Variants in HMCN2 observed in about 807,000 individuals in gnomAD.
The protein encoded by HMCN2 is hemicentin-2.
In HMCN2, 325 loss-of-function variants were observed where a neutral mutation model predicts 377.5. The observed-to-expected ratio is 0.86, with a 90% CI of 0.79 to 0.94. HMCN2 has a LOEUF of 0.94. HMCN2 is among the 40% of genes least tolerant of loss of function. The pLI is 0.00. For synonymous variants in HMCN2, 2,007 were observed against 2,046.8 expected, an observed-to-expected ratio of 0.98 and a Z score of 0.53; for missense variants, 4,543 against 4,725.3, an observed-to-expected ratio of 0.96 and a Z score of 1.13.
At chr9:130,321,224 C>T (rs1837834939) in intron 18 of HMCN2, among the ~76,000 whole-genome samples, 1 of 152,130 alleles carries the variant, frequency 6.6e-6, no homozygotes, top group South Asian at 2.1e-4. Flanking sequence ...GCAGTGGTCT[C>T]CCCGGTTCTT....
At chr9:130,399,721 T>A in intron 76 of HMCN2, 89 bp downstream of exon 76, 2 of 1,025,554 alleles carry the variant, frequency 2.0e-6, no homozygotes, top group Non-Finnish European at 2.6e-6. Flanking sequence ...CAGGGAATTG[T>A]GTGGCTTTTT....
Position 130,354,935 on chromosome 9 carries a change from G to T in HMCN2, c.5037G>T (p.Gly1679=). Reference sequence around the variant, plus strand: ...ACGAGTCGCGGCTGGAGACAGACGGGAGTGTGCTGAGGCTGGAGAGCCCGG... The same window carrying T: ...ACGAGTCGCGGCTGGAGACAGACGGTAGTGTGCTGAGGCTGGAGAGCCCGG... ...ESNESRLETD[G]SVLRLESPGE... Residue 1679 remains glycine (G), a synonymous_variant, in exon 32 of 98, where the codon GGG becomes GGT. Transcript: ENST00000683500. 7.7e-7 allele frequency: 1 copy of T among 1,303,678 alleles called. No homozygotes were observed. Among genetic ancestry groups the T allele is most frequent in the Non-Finnish European group, 1.0e-6 (1 of 988,936 alleles). The allele number at this position is 1,303,678 out of a possible 1,614,324, so 80.8% of individuals were successfully genotyped here. A position where few individuals can be genotyped will look rare whatever the true frequency, so the allele number is the denominator to read the frequency against.
At chr9:130,400,737 G>T (rs1374405977) in intron 76 of HMCN2, 46 bp from the exon 77 acceptor site, 1 of 1,248,972 alleles carries the variant, frequency 8.0e-7, no homozygotes, top group Admixed American at 2.5e-5. Flanking sequence ...GGCCGTGAGT[G>T]CCCTGTGCCC....
intron 15 of HMCN2, among the ~76,000 whole-genome samples, chr9:130,316,387 C>T (rs1305228638): frequency 7.6e-6 from 1 of 132,432 alleles, no homozygotes; most frequent in Non-Finnish European, 1.6e-5. Context: ...CTGCCCTGGG[C>T]GTGGCTGAAG....
Position 130,267,476 on chromosome 9 carries a change from A to ACACG in HMCN2, c.259+1340_259+1341insACGC, listed in dbSNP as rs1265312371. 7.1e-3 allele frequency among the ~76,000 whole-genome samples: 1,064 copies of ACACG among 149,908 alleles called. 27 individuals carry two copies. Among genetic ancestry groups the ACACG allele is most frequent in the African/African-American group, 0.024 (977 of 40,416 alleles). On this transcript the variant is annotated intron_variant, in intron 1 of 97. Transcript: ENST00000683500. ...CACACACACACACACACACACACACACGCACAGATTCCTTGCTAAATTGTA... is the reference window on the plus strand; with the variant it reads ...CACACACACACACACACACACACACACACGCGCACAGATTCCTTGCTAAATTGTA...
At chr9:130,291,635 G>A (rs150134124) in intron 4 of HMCN2, among the ~76,000 whole-genome samples, 3 of 152,220 alleles carry the variant, frequency 2.0e-5, no homozygotes, top group Admixed American at 6.5e-5. Context: ...ATTTCTGCTC[G>A]ACTTGCTTTA....
intron 22 of HMCN2, among the ~76,000 whole-genome samples, chr9:130,336,831 A>G (rs1286546633): frequency 2.0e-5 from 3 of 151,278 alleles, no homozygotes; most frequent in Admixed American, 2.0e-4. Flanking sequence ...ACCATGTCTC[A>G]TGTGATCCTT....
intron 1 of HMCN2, among the ~76,000 whole-genome samples, chr9:130,276,460 T>G (rs1737925358): frequency 6.6e-6 from 1 of 152,146 alleles, no homozygotes; most frequent in South Asian, 2.1e-4. Context: ...AAACAATGGC[T>G]GTGAGGTTGG....
Position 130,292,241 on chromosome 9 carries a change from T to C in HMCN2, c.613-2614T>C, listed in dbSNP as rs1835822443. 2.6e-5 allele frequency among the ~76,000 whole-genome samples: 4 copies of C among 152,322 alleles called. No individual in the cohort carries two copies. The South Asian group carries it at 6.2e-4, about 24-fold the overall frequency. ...TGGCGACAGCCAGCTCTCTGTATGGTTGGGCTGCGTTTTTGCCTTTATGAC... is the reference window on the plus strand; with the variant it reads ...TGGCGACAGCCAGCTCTCTGTATGGCTGGGCTGCGTTTTTGCCTTTATGAC... On this transcript the variant is annotated intron_variant, in intron 4 of 97. Coordinates refer to ENST00000683500, the MANE Select transcript of HMCN2 (RefSeq NM_001291815.2).
chr9:130,433,057 G>A, intron 97 of HMCN2: 1 of 434,814 alleles, frequency 2.3e-6, no homozygotes, highest in Non-Finnish European at 4.0e-6. Flanking sequence ...TGGCCCAGGG[G>A]CACATCGCTC....
intron 71 of HMCN2, 143 bp from the exon 72 acceptor site, chr9:130,395,781 C>A (rs1296646852): frequency 2.4e-6 from 2 of 844,434 alleles, no homozygotes; most frequent in Non-Finnish European, 3.2e-6. Context: ...CTCGGCGGGG[C>A]ACAGTCAGGG....
chr9:130,359,974 C>T (rs1278005267), intron 37 of HMCN2, among the ~76,000 whole-genome samples: 1 of 152,148 alleles, frequency 6.6e-6, no homozygotes, highest in Non-Finnish European at 1.5e-5. Context: ...ACACGCGGTC[C>T]AGCCTGGCTT....
At chr9:130,419,197 C>A in intron 86 of HMCN2, 156 bp downstream of exon 86, 1 of 662,862 alleles carries the variant, frequency 1.5e-6, no homozygotes, top group East Asian at 3.1e-5. Flanking sequence ...CCCTACCCTG[C>A]CCGTTTACAG....
chr9:130,362,284 G>T, intron 39 of HMCN2, 119 bp downstream of exon 39: 3 of 627,286 alleles, frequency 4.8e-6, no homozygotes, highest in Non-Finnish European at 6.0e-6. Context: ...CAGGGCCGAG[G>T]GCTAGAGGGA....
At chr9:130,299,617 A>G (rs1836372388) in intron 8 of HMCN2, among the ~76,000 whole-genome samples, 1 of 149,420 alleles carries the variant, frequency 6.7e-6, no homozygotes, top group African/African-American at 2.5e-5. Flanking sequence ...TCATGCACCC[A>G]CCCATCCACT....
In HMCN2 at chr9:130,368,386, T is replaced by C; in HGVS notation, c.6736T>C (p.Cys2246Arg). The change falls in exon 44 of 98, where the codon TGC (cysteine) becomes CGC (arginine). Residue 2246 changes from cysteine to arginine, a missense_variant. By Grantham distance (180) the Cys-to-Arg change is radical (BLOSUM62 -3). Transcript: ENST00000683500. The part of the protein sequence containing the change: ...LAQEGTYTCE[C>R]SNVVGNSSQD... Reference sequence around the variant, plus strand: ...TCAGGAAGGAACATACACCTGTGAATGCAGCAACGTGGTGGGGAACAGCAG... The same window carrying C: ...TCAGGAAGGAACATACACCTGTGAACGCAGCAACGTGGTGGGGAACAGCAG... 4 of 985,952 alleles carry C rather than the reference T, an allele frequency of 4.1e-6. No homozygotes were observed. The highest frequency in any genetic ancestry group is 4.8e-6 in the Non-Finnish European group (4 of 830,132). 61.1% of individuals were successfully genotyped at this position (985,952 alleles called of 1,614,324 possible). A position where few individuals can be genotyped will look rare whatever the true frequency, so the allele number is the denominator to read the frequency against.
chr9:130,368,733 G>A (rs1343379211), intron 44 of HMCN2, among the ~76,000 whole-genome samples: 1 of 151,700 alleles, frequency 6.6e-6, no homozygotes, highest in African/African-American at 2.4e-5. Flanking sequence ...CTTACATGTC[G>A]GCAGGAGAGA....
intron 21 of HMCN2, 109 bp downstream of exon 21, chr9:130,326,079 A>G (rs1331905658): frequency 1.3e-5 from 2 of 152,238 alleles, no homozygotes; most frequent in Non-Finnish European, 2.9e-5. Context: ...TGCATCAGCA[A>G]GTCCTGCAAA....
In HMCN2 at chr9:130,353,053, C is replaced by A. The variant is rs1211705284; in HGVS notation, c.4712C>A (p.Ala1571Asp). ...AACATCACCTGGTTCAAGGACGGGG[C>A]CCTGCTCCCCACCAGCACCAAGGTG... ...TPNITWFKDG[A>D]LLPTSTKVVY... The change falls in exon 31 of 98, where the codon GCC (alanine) becomes GAC (aspartate). Residue 1571 changes from alanine to aspartate, a missense_variant. Ala to Asp is a moderately radical substitution (Grantham distance 126). This residue lies in a region of HMCN2 where 1,032 missense variants were observed against 1,285.1 expected (regional missense o/e 0.80). Coordinates refer to ENST00000683500, the MANE Select transcript of HMCN2 (RefSeq NM_001291815.2). 1.5e-6 allele frequency: 2 copies of A among 1,304,082 alleles called. No individual in the cohort carries two copies. The highest frequency in any genetic ancestry group is 2.0e-6 in the Non-Finnish European group (2 of 988,928). 80.8% of individuals were successfully genotyped at this position (1,304,082 alleles called of 1,614,324 possible). A position where few individuals can be genotyped will look rare whatever the true frequency, so the allele number is the denominator to read the frequency against.
Sources: gnomAD v4.1 joint callset for allele counts (sites outside exome capture counted in the v4.1 genomes callset) on GRCh38, gnomAD v4.1.1 for gene constraint, gnomAD v4.1.1 regional missense constraint, MANE v1.5 for transcripts, NCBI Gene and HGNC (gene_info 2026-07-23, HGNC 2026-07-21) for gene names.